CAAP1: variants seen among roughly 807,000 people sequenced by gnomAD.
The protein encoded by CAAP1 is caspase activity and apoptosis inhibitor 1.
Under a neutral mutation model 34.0 loss-of-function variants are expected in CAAP1, and 20 were observed. That is an observed-to-expected ratio of 0.59 (90% CI 0.41 to 0.86). CAAP1 has a LOEUF of 0.86. CAAP1 is among the 40% of genes least tolerant of loss of function. The probability of loss-of-function intolerance (pLI) is 0.00; values close to 1 mark genes in which losing one functional copy is unlikely to be tolerated. For synonymous variants in CAAP1, 213 were observed against 166.7 expected (o/e 1.28, Z -2.14); for missense variants, 538 against 450.5 (o/e 1.19, Z -1.76).
At chr9:26,855,243 G>A (rs527256036) in intron 5 of CAAP1, among the ~76,000 whole-genome samples, 1 of 152,304 alleles carries the variant, frequency 6.6e-6, no homozygotes, top group South Asian at 2.1e-4. Flanking sequence ...GCTACACACT[G>A]TATGATTCAA....
rs183315733 is a variant in CAAP1 at position 26,864,590 on chromosome 9, T to C, written c.666-3451A>G. On this transcript the variant is annotated intron_variant, in intron 4 of 5. Coordinates refer to ENST00000333916, the MANE Select transcript of CAAP1 (RefSeq NM_024828.4). Reference sequence around the variant, plus strand: ...TGTGATTCTCTAAGGCTTCATTGTATATAAACTGTCCCCCACCCTGCGACT... The same window carrying C: ...TGTGATTCTCTAAGGCTTCATTGTACATAAACTGTCCCCCACCCTGCGACT... Among the ~76,000 whole-genome samples the C allele has an allele frequency of 2.6e-4, 40 of 152,336 alleles. No homozygotes were observed. The East Asian group carries it at 6.9e-3, about 26-fold the overall frequency.
intron 5 of CAAP1, among the ~76,000 whole-genome samples, chr9:26,849,841 ATT>A (rs758588539): frequency 4.2e-5 from 6 of 143,704 alleles, no homozygotes; most frequent in Admixed American, 7.0e-5. Context: ...TAGTAAAACA[ATT>A]TTTTTTTTTT....
intron 4 of CAAP1, among the ~76,000 whole-genome samples, chr9:26,864,459 G>A (rs1460684583): frequency 1.3e-5 from 2 of 151,934 alleles, no homozygotes; most frequent in East Asian, 1.9e-4. Context: ...TCCTCAGACA[G>A]CAAAATTTAA....
At chr9:26,866,856 T>C (rs929001968) in intron 4 of CAAP1, among the ~76,000 whole-genome samples, 5 of 152,142 alleles carry the variant, frequency 3.3e-5, no homozygotes, top group South Asian at 2.1e-4. Flanking sequence ...TTACCCAAAA[T>C]CAATATACTG....
chr9:26,884,858 T>C lies in CAAP1; in HGVS notation c.617A>G (p.Glu206Gly), dbSNP rs140025537. The C allele has an allele frequency of 1.9e-6, 3 of 1,609,282 alleles. No homozygotes were observed. In the African/African-American group the frequency reaches 4.0e-5, roughly 21 times the overall value. Residue 206 changes from glutamate (E) to glycine (G), a missense_variant, in exon 4 of 6, where the codon GAA (glutamate) becomes GGA (glycine). Physicochemically the swap from Glu to Gly is moderately conservative, Grantham distance 98 (BLOSUM62 -2). This residue lies in a region of CAAP1 where 514 missense variants were observed against 408.4 expected (regional missense o/e 1.26). Coordinates refer to ENST00000333916, the MANE Select transcript of CAAP1 (RefSeq NM_024828.4). ...CTTAGAACCATCATCTGCTTCCTCT[T>C]CCATATCAGAGTCCATTCCATTGTC... is the stretch of plus-strand genomic sequence containing the variant. ...EGDNGMDSDM[E>G]EEADDGSKMG...
intron 5 of CAAP1, among the ~76,000 whole-genome samples, chr9:26,845,174 T>C (rs1007300663): frequency 6.6e-6 from 1 of 152,196 alleles, no homozygotes; most frequent in African/African-American, 2.4e-5. Context: ...TACTTAAATG[T>C]AGGGCAGAGA....
intron 1 of CAAP1, among the ~76,000 whole-genome samples, chr9:26,890,846 G>A (rs1231345904): frequency 1.3e-5 from 2 of 152,188 alleles, no homozygotes; most frequent in South Asian, 2.1e-4. Context: ...TCGGGAGGCT[G>A]AGGCAGGGGA....
intron 5 of CAAP1, among the ~76,000 whole-genome samples, chr9:26,850,475 T>C (rs2131299103): frequency 6.6e-6 from 1 of 152,304 alleles, no homozygotes; most frequent in African/African-American, 2.4e-5. Context: ...AACCCCATAA[T>C]TCCCCAATAC....
At chr9:26,847,815 C>A (rs1029063931) in intron 5 of CAAP1, among the ~76,000 whole-genome samples, 4 of 150,298 alleles carry the variant, frequency 2.7e-5, no homozygotes, top group African/African-American at 9.8e-5. Flanking sequence ...TTGTGGTTTA[C>A]TTTGGAAGGA....
intron 5 of CAAP1, among the ~76,000 whole-genome samples, chr9:26,858,834 A>G (rs940798017): frequency 1.3e-5 from 2 of 150,704 alleles, no homozygotes; most frequent in African/African-American, 2.4e-5. Context: ...AAAAAAAAAA[A>G]AAAAGAAAAA....
intron 5 of CAAP1, among the ~76,000 whole-genome samples, chr9:26,855,593 C>T (rs1046508035): frequency 6.6e-6 from 1 of 151,470 alleles, no homozygotes; most frequent in Non-Finnish European, 1.5e-5. Context: ...AAAGCTGCTA[C>T]CAAAAAAAAA....
chr9:26,870,995 G>C (rs1437837346), intron 4 of CAAP1, among the ~76,000 whole-genome samples: 1 of 152,082 alleles, frequency 6.6e-6, no homozygotes, highest in Non-Finnish European at 1.5e-5. Flanking sequence ...CAGTTCTATA[G>C]AGCACAGTAA....
At chr9:26,856,249 A>T (rs903443663) in intron 5 of CAAP1, among the ~76,000 whole-genome samples, 2 of 152,206 alleles carry the variant, frequency 1.3e-5, no homozygotes, top group Non-Finnish European at 2.9e-5. Flanking sequence ...TCAAAATAAG[A>T]TGTAAATATC....
At chr9:26,890,542 T>C (rs952357375) in intron 1 of CAAP1, among the ~76,000 whole-genome samples, 5 of 151,932 alleles carry the variant, frequency 3.3e-5, no homozygotes, top group Non-Finnish European at 7.4e-5. Context: ...CTGACAAATA[T>C]TTGAGAAGAA....
At chr9:26,863,796 C>A (rs1341844518) in intron 4 of CAAP1, among the ~76,000 whole-genome samples, 2 of 143,472 alleles carry the variant, frequency 1.4e-5, no homozygotes, top group Non-Finnish European at 3.1e-5. Context: ...AAAAAAAAAG[C>A]CTGTTTTTCT....
At chr9:26,867,546 C>T (rs975092097) in intron 4 of CAAP1, among the ~76,000 whole-genome samples, 3 of 152,124 alleles carry the variant, frequency 2.0e-5, no homozygotes, top group African/African-American at 7.2e-5. Flanking sequence ...TTTCTTTAGC[C>T]TACCACAGAT....
At chr9:26,845,485 C>T (rs143950357) in intron 5 of CAAP1, among the ~76,000 whole-genome samples, 283 of 152,308 alleles carry the variant, frequency 1.9e-3, no homozygotes, top group African/African-American at 6.2e-3. Flanking sequence ...AAGCGATTCT[C>T]CTGCGTCAGC....
At chr9:26,856,619 T>C (rs1822875288) in intron 5 of CAAP1, among the ~76,000 whole-genome samples, 1 of 152,230 alleles carries the variant, frequency 6.6e-6, no homozygotes, top group African/African-American at 2.4e-5. Context: ...TTATGTGGCC[T>C]GTGTCCAAAC....
intron 4 of CAAP1, among the ~76,000 whole-genome samples, chr9:26,875,276 C>T (rs772856494): frequency 6.6e-6 from 1 of 152,052 alleles, no homozygotes; most frequent in Non-Finnish European, 1.5e-5. Context: ...ATCCCAGATA[C>T]TTGGAAGGCT....
Sources: gnomAD v4.1 joint callset for allele counts (sites outside exome capture counted in the v4.1 genomes callset) on GRCh38, gnomAD v4.1.1 for gene constraint, gnomAD v4.1.1 regional missense constraint, MANE v1.5 for transcripts, NCBI Gene and HGNC (gene_info 2026-07-23, HGNC 2026-07-21) for gene names.